Variants in MEAK7 observed in about 807,000 individuals in gnomAD.
The protein encoded by MEAK7 is MTOR-associated protein MEAK7.
Under a neutral mutation model 40.5 loss-of-function variants are expected in MEAK7, and 68 were observed. The observed-to-expected ratio is 1.68, with a 90% confidence interval of 1.38 to 2.06. The LOEUF is 2.06. Among genes scored for constraint, MEAK7 ranks in the 30% most tolerant of loss-of-function variants. MEAK7 has a pLI of 0.00. For synonymous variants in MEAK7, 338 were observed against 231.9 expected (o/e 1.46, Z -4.16); for missense variants, 918 against 580.5 (o/e 1.58, Z -5.98).
At chr16:84,490,280 G>GAAAAAAAA (rs57264146) in intron 3 of MEAK7, among the ~76,000 whole-genome samples, 1 of 141,166 alleles carries the variant, frequency 7.1e-6, no homozygotes. Flanking sequence ...ATAGCTGGGG[G>GAAAAAAAA]AAAAAAAAAA....
chr16:84,503,943 AG>A (rs764089356), intron 1 of MEAK7: 560 of 985,402 alleles, frequency 5.7e-4, no homozygotes, highest in Non-Finnish European at 6.1e-4. Flanking sequence ...GAGCCACACA[AG>A]GGTCCCTCCG....
At position 84,486,770 on chromosome 16, in the gene MEAK7, C is replaced by A; in HGVS notation, c.819G>T (p.Glu273Asp). Reference sequence around the variant, plus strand: ...GCTGGGAGAAGCTGTGTCCATGGAGCTCAGACGAAAAGAGCAGGCACCAGC... The same window carrying A: ...GCTGGGAGAAGCTGTGTCCATGGAGATCAGACGAAAAGAGCAGGCACCAGC... ...RHRWCLLFSS[E>D]LHGHSFSQLC... The change falls in exon 5 of 8, where the codon GAG (glutamate) becomes GAT (aspartate). Residue 273 changes from glutamate (E) to aspartate (D), a missense_variant. By Grantham distance (45) the Glu-to-Asp change is conservative. Coordinates refer to ENST00000343629, the MANE Select transcript of MEAK7 (RefSeq NM_020947.4). 6.2e-7 allele frequency: 1 copy of A among 1,614,040 alleles called. No homozygotes were observed. The highest frequency in any genetic ancestry group is 8.5e-7 in the Non-Finnish European group (1 of 1,179,910).
chr16:84,486,841 A>AGAG lies in MEAK7; in HGVS notation c.745_747dup (p.Leu249dup). 6.2e-7 allele frequency: 1 copy of AGAG among 1,614,188 alleles called. No individual in the cohort carries two copies. The highest frequency in any genetic ancestry group is 1.1e-5 in the South Asian group (1 of 91,088). On this transcript the variant is annotated inframe_insertion, in exon 5 of 8. Coordinates refer to ENST00000343629, the MANE Select transcript of MEAK7 (RefSeq NM_020947.4). ...AGCTGGGCGTTGATGTACATGACAG[A>AGAG]GAGGACATCCAGGATGCTCTCAAAA...
At position 84,504,635 on chromosome 16, in the gene MEAK7, C is replaced by T; in HGVS notation, c.-60G>A. The T allele has an allele frequency of 1.0e-6, 1 of 985,636 alleles. No homozygotes were observed. The highest frequency in any genetic ancestry group is 1.2e-6 in the Non-Finnish European group (1 of 830,042). The allele number at this position is 985,636 out of a possible 1,614,324, so 61.1% of individuals were successfully genotyped here. ...CTTCCTGGTGCTGTCCGGTCCGGTC[C>T]AGCAGCCCACGGGCTCCTCTCGAGA... On this transcript the variant is annotated 5_prime_UTR_variant, in exon 1 of 8. Transcript: ENST00000343629.
rs748846826 is a variant in MEAK7, at chr16:84,495,876, G to A, written c.191C>T (p.Thr64Ile). 3 of 1,614,076 alleles carry A rather than the reference G, an allele frequency of 1.9e-6. No individual in the cohort carries two copies. The highest frequency in any genetic ancestry group is 1.3e-5 in the African/African-American group (1 of 74,984). Residue 64 changes from threonine (T) to isoleucine (I), a missense_variant, in exon 3 of 8, where the codon ACC becomes ATC. Thr to Ile is a moderately conservative substitution (Grantham distance 89). Coordinates refer to ENST00000343629, the MANE Select transcript of MEAK7 (RefSeq NM_020947.4). ...VGEALPPEMV[T>I]RLYDGMRRVD... ...CCTCCGCATGCCATCATACAGCCTGGTGACCATCTCTGGGGGAAGAGCTTC... is the reference window on the plus strand; with the variant it reads ...CCTCCGCATGCCATCATACAGCCTGATGACCATCTCTGGGGGAAGAGCTTC...
At chr16:84,488,463 G>A (rs1169154940) in intron 4 of MEAK7, 1 of 151,490 alleles carries the variant, frequency 6.6e-6, no homozygotes, top group Non-Finnish European at 1.5e-5. Flanking sequence ...AATATATACT[G>A]CTTCTCACCC....
rs1380554217 is a variant in MEAK7, at chr16:84,476,573, T to G, written c.*3340A>C. On this transcript the variant is annotated 3_prime_UTR_variant, in exon 8 of 8. Transcript: ENST00000343629. ...CATAAACGATATTCATGACAATGAT[T>G]AGCTGCAAACAAAATGTTCCCCAGC... 6.6e-6 allele frequency: 1 copy of G among 152,204 alleles called. No homozygotes were observed. The highest frequency in any genetic ancestry group is 2.4e-5 in the African/African-American group (1 of 41,440). The allele number at this position is 152,204 out of a possible 1,614,324, so 9.4% of individuals were successfully genotyped here.
chr16:84,481,503 T>C (rs1912541098), intron 6 of MEAK7, among the ~76,000 whole-genome samples: 1 of 152,080 alleles, frequency 6.6e-6, no homozygotes, highest in African/African-American at 2.4e-5. Flanking sequence ...GTGCCAGGTG[T>C]TCTAGGTGGC....
In MEAK7 at chr16:84,489,302, G is replaced by C. The variant is rs780949436; in HGVS notation, c.505C>G (p.Leu169Val). ...CCTTGCAGCTTCATGTCAGAGAGCA[G>C]CTGAGCAGCCAGCACCTGCACCCGG... Reference protein sequence around the residue: ...NPRVQVLAAQLLSDMKLQDGK... With the variant: ...NPRVQVLAAQVLSDMKLQDGK... The change falls in exon 4 of 8, where the codon CTG (leucine) becomes GTG (valine). Residue 169 changes from leucine (L) to valine (V), a missense_variant. Leu to Val is a conservative substitution (Grantham distance 32). Transcript: ENST00000343629. 4 of 1,614,026 alleles carry C rather than the reference G, an allele frequency of 2.5e-6. No homozygotes were observed. In the African/African-American group the frequency reaches 5.3e-5, roughly 22 times the overall value.
chr16:84,489,588 T>G (rs1462858159), intron 3 of MEAK7, among the ~76,000 whole-genome samples, 166 bp from the exon 4 acceptor site: 1 of 152,226 alleles, frequency 6.6e-6, no homozygotes, highest in East Asian at 1.9e-4. Flanking sequence ...AATGATGCAC[T>G]TGGCTGGCCT....
chr16:84,497,859 A>G, intron 2 of MEAK7, 75 bp downstream of exon 2: 1 of 1,591,920 alleles, frequency 6.3e-7, no homozygotes, highest in Non-Finnish European at 8.6e-7. Context: ...ACACGAAAGC[A>G]GATTCTGGCC....
At chr16:84,494,664 C>T in intron 3 of MEAK7, 2 of 346,704 alleles carry the variant, frequency 5.8e-6, no homozygotes, top group South Asian at 2.2e-5. Context: ...TTTCTCTCTT[C>T]CTCCCCCACT....
At chr16:84,486,579 G>T in intron 5 of MEAK7, 52 bp downstream of exon 5, 1 of 1,532,076 alleles carries the variant, frequency 6.5e-7, no homozygotes, top group Non-Finnish European at 8.8e-7. Context: ...TTTCTCCAGA[G>T]CTCTTTGCCC....
rs1485319778 is a variant in MEAK7 at position 84,504,288 on chromosome 16, C to A, written c.-26+313G>T. 6.7e-6 allele frequency: 3 copies of A among 447,544 alleles called. No homozygotes were observed. In the East Asian group the frequency reaches 4.7e-4, roughly 70 times the overall value. 27.7% of individuals were successfully genotyped at this position (447,544 alleles called of 1,614,324 possible). On this transcript the variant is annotated intron_variant, in intron 1 of 7. Coordinates refer to ENST00000343629, the MANE Select transcript of MEAK7 (RefSeq NM_020947.4). ...TCTACACAGGCTCTGAATCCCCCTT[C>A]AACACGGCTGGCCTTGGCCCTGGGG...
At chr16:84,482,229 C>A (rs1435661624) in intron 6 of MEAK7, among the ~76,000 whole-genome samples, 1 of 152,198 alleles carries the variant, frequency 6.6e-6, no homozygotes, top group Non-Finnish European at 1.5e-5. Context: ...TCCCCTTGGT[C>A]CAGCACTCCC....
chr16:84,502,114 A>C (rs1451816692), intron 1 of MEAK7, among the ~76,000 whole-genome samples: 1 of 151,958 alleles, frequency 6.6e-6, no homozygotes, highest in South Asian at 2.1e-4. Flanking sequence ...ATTGCACTCC[A>C]GCCTGGGCAA....
At position 84,479,667 on chromosome 16, in the gene MEAK7, G is replaced by T; in HGVS notation, c.*246C>A. ...CTAATTTGACACAAGATTTCTTGGA[G>T]AGATCCTGAGGGTGACCCTGTAGGG... On this transcript the variant is annotated 3_prime_UTR_variant, in exon 8 of 8. Coordinates refer to ENST00000343629, the MANE Select transcript of MEAK7 (RefSeq NM_020947.4). The T allele has an allele frequency of 2.7e-6, 1 of 369,950 alleles. No homozygotes were observed. The allele number at this position is 369,950 out of a possible 1,614,324, so 22.9% of individuals were successfully genotyped here. A position where few individuals can be genotyped will look rare whatever the true frequency, so the allele number is the denominator to read the frequency against.
rs562913646 is a variant in MEAK7, at chr16:84,502,501, A to G, written c.-26+2100T>C. ...GGAACCCACAGAAGTCTCGAGGCCA[A>G]TGTAGGGTTGTGTTATGCACAGCTT... On this transcript the variant is annotated intron_variant, in intron 1 of 7. Coordinates refer to ENST00000343629, the MANE Select transcript of MEAK7 (RefSeq NM_020947.4). 5.9e-5 allele frequency among the ~76,000 whole-genome samples: 9 copies of G among 152,160 alleles called. No homozygotes were observed. In the East Asian group the frequency reaches 1.5e-3, roughly 26 times the overall value.
At chr16:84,497,293 G>T in intron 2 of MEAK7, 1 of 670,330 alleles carries the variant, frequency 1.5e-6, no homozygotes, top group Non-Finnish European at 2.1e-6. Flanking sequence ...GCAGCTGAGA[G>T]CCCCATGGAA....
Sources: allele counts gnomAD v4.1 joint callset (sites outside exome capture counted in the v4.1 genomes callset), GRCh38; gene constraint gnomAD v4.1.1; transcripts MANE v1.5; gene names NCBI Gene and HGNC (gene_info 2026-07-23, HGNC 2026-07-21).